Variants in NICOL1 observed in about 807,000 individuals in gnomAD.
The protein encoded by NICOL1 is NELL2-interacting cell ontogeny regulator 1.
the NICOL1 span, chr4:2,041,835 T>A: frequency 4.1e-6 from 3 of 726,808 alleles, no homozygotes; most frequent in Non-Finnish European, 6.2e-6. Flanking sequence ...GCATCCGCCA[T>A]GGGCCTGGAC....
At chr4:2,041,838 G>C in the NICOL1 span, 1 of 751,286 alleles carries the variant, frequency 1.3e-6, no homozygotes, top group Non-Finnish European at 2.0e-6. Flanking sequence ...TCCGCCATGG[G>C]CCTGGACGCT....
chr4:2,042,710 T>G, the NICOL1 span: 8 of 1,140,136 alleles, frequency 7.0e-6, no homozygotes, highest in Non-Finnish European at 9.9e-6. Flanking sequence ...CTGCGCCCCC[T>G]CCACCCTGAC....
At chr4:2,043,384 G>A in the NICOL1 span, among the ~76,000 whole-genome samples, 1 of 152,144 alleles carries the variant, frequency 6.6e-6, no homozygotes, top group African/African-American at 2.4e-5. Context: ...TCCTGGAAAG[G>A]GAGAATTCTA....
chr4:2,043,882 G>C, the NICOL1 span: 2 of 1,549,632 alleles, frequency 1.3e-6, no homozygotes, highest in Non-Finnish European at 1.7e-6. Flanking sequence ...ACTGCTGCAG[G>C]CAGAGCGCCG....
At chr4:2,039,019 G>C in the NICOL1 span, among the ~76,000 whole-genome samples, 2 of 152,196 alleles carry the variant, frequency 1.3e-5, no homozygotes, top group South Asian at 4.1e-4. Flanking sequence ...CGAAATGTGT[G>C]AATAACACAA....
the NICOL1 span, among the ~76,000 whole-genome samples, chr4:2,039,067 T>C: frequency 6.6e-6 from 1 of 152,214 alleles, no homozygotes; most frequent in African/African-American, 2.4e-5. Context: ...TAAATGATGG[T>C]GAGCGTTGTG....
At chr4:2,039,890 G>A in the NICOL1 span, among the ~76,000 whole-genome samples, 1 of 151,992 alleles carries the variant, frequency 6.6e-6, no homozygotes, top group African/African-American at 2.4e-5. Context: ...TATATAAAGT[G>A]CACCAAAAAG....
chr4:2,042,187 G>C, the NICOL1 span: 1 of 1,429,534 alleles, frequency 7.0e-7, no homozygotes, highest in South Asian at 1.4e-5. Context: ...TGGGGAGGGG[G>C]CTCCCGGGCC....
the NICOL1 span, chr4:2,042,109 G>C: frequency 4.0e-6 from 6 of 1,484,942 alleles, no homozygotes; most frequent in African/African-American, 1.5e-5. Context: ...GCGTTTTCTA[G>C]ATACGGGGCG....
chr4:2,039,231 T>C, the NICOL1 span, among the ~76,000 whole-genome samples: 2 of 151,930 alleles, frequency 1.3e-5, no homozygotes, highest in Non-Finnish European at 2.9e-5. Context: ...CTGGCCAACA[T>C]GGTGACACCC....
At chr4:2,043,673 C>T in the NICOL1 span, among the ~76,000 whole-genome samples, 1 of 152,162 alleles carries the variant, frequency 6.6e-6, no homozygotes, top group East Asian at 1.9e-4. Context: ...CCAGGCAGGC[C>T]CCACCAGTGG....
the NICOL1 span, among the ~76,000 whole-genome samples, chr4:2,039,048 C>T: frequency 7.7e-4 from 118 of 152,284 alleles, no homozygotes; most frequent in African/African-American, 2.7e-3. Flanking sequence ...TGTGCAAATT[C>T]ATTTTTTTTA....
At chr4:2,037,270 G>A in the NICOL1 span, among the ~76,000 whole-genome samples, 12 of 152,232 alleles carry the variant, frequency 7.9e-5, no homozygotes, top group South Asian at 6.2e-4. Context: ...AAATTACCCC[G>A]TCTTAGCAGA....
the NICOL1 span, among the ~76,000 whole-genome samples, chr4:2,038,266 T>C: frequency 1.1e-3 from 81 of 70,962 alleles, 5 homozygotes; most frequent in East Asian, 0.033. Flanking sequence ...TATATATATA[T>C]ATATATATAT....
At chr4:2,042,450 C>A in the NICOL1 span, 1 of 428,458 alleles carries the variant, frequency 2.3e-6, no homozygotes, top group Non-Finnish European at 4.0e-6. Flanking sequence ...CCCGGGCCCG[C>A]GCCGAGCCCG....
the NICOL1 span, among the ~76,000 whole-genome samples, chr4:2,040,693 C>A: frequency 6.6e-6 from 1 of 152,212 alleles, no homozygotes; most frequent in Non-Finnish European, 1.5e-5. Context: ...GGGACAGCGG[C>A]CCGCAGCCCC....
the NICOL1 span, chr4:2,042,018 G>C: frequency 1.7e-5 from 25 of 1,472,234 alleles, no homozygotes; most frequent in South Asian, 3.3e-4. Flanking sequence ...GCCGGACGCG[G>C]AACGTCTGCC....
At chr4:2,036,722 T>C in the NICOL1 span, among the ~76,000 whole-genome samples, 6 of 152,092 alleles carry the variant, frequency 3.9e-5, no homozygotes, top group Non-Finnish European at 7.4e-5. Context: ...AGAAGAGTCA[T>C]GAAATAAGAA....
At chr4:2,042,752 C>T in the NICOL1 span, 1 of 1,517,704 alleles carries the variant, frequency 6.6e-7, no homozygotes, top group African/African-American at 1.4e-5. Flanking sequence ...CATGCGTGGA[C>T]TGCCACGCCT....
Sources: gnomAD v4.1 joint callset for allele counts (sites outside exome capture counted in the v4.1 genomes callset) on GRCh38, gnomAD v4.1.1 for gene constraint, MANE v1.5 for transcripts, NCBI Gene and HGNC (gene_info 2026-07-23, HGNC 2026-07-21) for gene names.